ADAM12: variants seen among roughly 807,000 people sequenced by gnomAD.
The protein encoded by ADAM12 is ADAM metallopeptidase domain 12, also known as disintegrin and metalloproteinase domain-containing protein 12.
Under a neutral mutation model 106.4 loss-of-function variants are expected in ADAM12, and 70 were observed. The ratio of observed to expected loss-of-function variants is 0.66; its 90% confidence interval spans 0.54 to 0.80. ADAM12 has a LOEUF of 0.80. ADAM12 is among the 30% of genes least tolerant of loss of function. The probability of loss-of-function intolerance (pLI) is 0.00; values close to 1 mark genes in which losing one functional copy is unlikely to be tolerated. For missense variants in ADAM12, 1,010 were observed against 1,171.9 expected, an observed-to-expected ratio of 0.86 and a Z score of 2.02; for synonymous variants, 420 against 433.5, an observed-to-expected ratio of 0.97 and a Z score of 0.39.
intron 3 of ADAM12, among the ~76,000 whole-genome samples, chr10:126,182,826 G>A (rs1357544494): frequency 1.3e-5 from 2 of 152,214 alleles, no homozygotes; most frequent in Non-Finnish European, 2.9e-5. Flanking sequence ...ATAAACATAA[G>A]AAGAGTTAAT....
intron 2 of ADAM12, among the ~76,000 whole-genome samples, chr10:126,324,081 C>T (rs1324144763): frequency 2.6e-5 from 4 of 152,196 alleles, no homozygotes; most frequent in Admixed American, 6.5e-5. Flanking sequence ...ACTTAAGTTG[C>T]GTCTCTGCAG....
chr10:126,128,522 G>C (rs996549487), intron 5 of ADAM12, among the ~76,000 whole-genome samples: 1 of 152,254 alleles, frequency 6.6e-6, no homozygotes, highest in Non-Finnish European at 1.5e-5. Flanking sequence ...GAGTGGGTAC[G>C]CATGTGAGTG....
At chr10:126,078,798 C>T (rs1955153438) in intron 11 of ADAM12, among the ~76,000 whole-genome samples, 1 of 151,910 alleles carries the variant, frequency 6.6e-6, no homozygotes, top group East Asian at 1.9e-4. Flanking sequence ...TGACAGTTCA[C>T]AGTTAGGGGA....
chr10:126,280,980 A>G (rs1959549240), intron 2 of ADAM12, among the ~76,000 whole-genome samples: 2 of 152,164 alleles, frequency 1.3e-5, no homozygotes, highest in South Asian at 4.1e-4. Flanking sequence ...ATTTCTTTGT[A>G]GTGTAGTGTG....
intron 14 of ADAM12, among the ~76,000 whole-genome samples, chr10:126,052,633 G>T (rs1271692914): frequency 6.6e-6 from 1 of 152,104 alleles, no homozygotes; most frequent in African/African-American, 2.4e-5. Context: ...GGTTGGACTG[G>T]GGAGTACAGA....
rs547857175 is a variant in ADAM12 at position 126,360,572 on chromosome 10, T to C, written c.88+27486A>G. 4.6e-5 allele frequency among the ~76,000 whole-genome samples: 7 copies of C among 152,352 alleles called. No homozygotes were observed. The East Asian group carries it at 1.4e-3, about 29-fold the overall frequency. On this transcript the variant is annotated intron_variant, in intron 1 of 22. Transcript: ENST00000448723. ...ATAACAAAATTCACCTTTACTCTAGTTCCTAAAAAGTTCCTCATCTCCATC... is the reference window on the plus strand; with the variant it reads ...ATAACAAAATTCACCTTTACTCTAGCTCCTAAAAAGTTCCTCATCTCCATC...
At chr10:126,157,163 T>G (rs891322283) in intron 3 of ADAM12, among the ~76,000 whole-genome samples, 1 of 152,176 alleles carries the variant, frequency 6.6e-6, no homozygotes, top group African/African-American at 2.4e-5. Context: ...TTCTCAAGGC[T>G]CTGAGAATGT....
chr10:126,058,496 A>G (rs1381783665), intron 14 of ADAM12, among the ~76,000 whole-genome samples: 1 of 152,244 alleles, frequency 6.6e-6, no homozygotes, highest in Non-Finnish European at 1.5e-5. Flanking sequence ...CAGACGTTTT[A>G]CTTCCTGGAA....
At chr10:126,121,102 T>TTATAGATAG (rs1565073863) in intron 5 of ADAM12, among the ~76,000 whole-genome samples, 1 of 40,340 alleles carries the variant, frequency 2.5e-5, no homozygotes, top group African/African-American at 1.1e-4. Flanking sequence ...ATATACTATA[T>TTATAGATAG]TATATATAGT....
At chr10:126,345,471 G>T (rs1279467391) in intron 1 of ADAM12, among the ~76,000 whole-genome samples, 1 of 152,036 alleles carries the variant, frequency 6.6e-6, no homozygotes, top group Non-Finnish European at 1.5e-5. Flanking sequence ...CAGGGATATT[G>T]GTCTAAAATT....
At chr10:126,268,482 A>C (rs777275259) in intron 3 of ADAM12, among the ~76,000 whole-genome samples, 1 of 152,224 alleles carries the variant, frequency 6.6e-6, no homozygotes, top group African/African-American at 2.4e-5. Context: ...CCAGCTTTGT[A>C]ATGATGATGC....
At chr10:126,345,905 C>A (rs1349727663) in intron 1 of ADAM12, among the ~76,000 whole-genome samples, 1 of 152,090 alleles carries the variant, frequency 6.6e-6, no homozygotes, top group Non-Finnish European at 1.5e-5. Flanking sequence ...CTATTTGATT[C>A]TTTTCTCTTT....
At chr10:126,091,133 T>A (rs960351305) in intron 11 of ADAM12, 4 of 124,324 alleles carry the variant, frequency 3.2e-5, no homozygotes, top group African/African-American at 7.8e-5. Flanking sequence ...CCAGCAATGA[T>A]GAGTAGGAAT....
intron 3 of ADAM12, among the ~76,000 whole-genome samples, chr10:126,254,931 C>T (rs561022017): frequency 6.8e-4 from 103 of 152,324 alleles, no homozygotes; most frequent in African/African-American, 2.4e-3. Context: ...ATCTCTCTTC[C>T]CTGACATCAG....
intron 1 of ADAM12, among the ~76,000 whole-genome samples, chr10:126,334,132 A>T (rs1854613632): frequency 6.6e-6 from 1 of 152,234 alleles, no homozygotes; most frequent in African/African-American, 2.4e-5. Context: ...TAGACAGAAT[A>T]AATTATACAC....
chr10:126,181,931 C>T (rs989436037), intron 3 of ADAM12, among the ~76,000 whole-genome samples: 4 of 152,160 alleles, frequency 2.6e-5, no homozygotes, highest in East Asian at 1.9e-4. Context: ...TTGCATGGCC[C>T]GGTCAGCATC....
intron 3 of ADAM12, among the ~76,000 whole-genome samples, chr10:126,161,618 G>C (rs1342299719): frequency 1.3e-5 from 2 of 152,180 alleles, no homozygotes; most frequent in African/African-American, 4.8e-5. Context: ...CTCCTTCCTG[G>C]GTGATACACG....
At chr10:126,342,714 AT>A (rs747395380) in intron 1 of ADAM12, among the ~76,000 whole-genome samples, 1 of 152,228 alleles carries the variant, frequency 6.6e-6, no homozygotes, top group Non-Finnish European at 1.5e-5. Context: ...GAGCAAGAAC[AT>A]TTGTAGGCTG....
At chr10:126,216,152 A>G (rs1565144595) in intron 3 of ADAM12, among the ~76,000 whole-genome samples, 3 of 152,200 alleles carry the variant, frequency 2.0e-5, no homozygotes, top group Admixed American at 2.0e-4. Flanking sequence ...GAAACTCCCT[A>G]AATCACACAC....
Sources: allele counts gnomAD v4.1 joint callset (sites outside exome capture counted in the v4.1 genomes callset), GRCh38; gene constraint gnomAD v4.1.1; transcripts MANE v1.5; gene names NCBI Gene and HGNC (gene_info 2026-07-23, HGNC 2026-07-21).